ANK3: variants seen among roughly 807,000 people sequenced by gnomAD.
The protein encoded by ANK3 is ankyrin-3.
Under a neutral mutation model 370.9 loss-of-function variants are expected in ANK3, and 57 were observed. That is an observed-to-expected ratio of 0.15 (90% CI 0.12 to 0.19). ANK3 has a LOEUF of 0.19. Ranked by LOEUF, ANK3 falls within the 10% of genes least tolerant of loss-of-function variation. The pLI is 1.00. For synonymous variants in ANK3, 1,929 were observed against 1,946.3 expected (o/e 0.99, Z 0.23); for missense variants, 4,439 against 5,302.1 (o/e 0.84, Z 5.06).
chr10:60,029,808 G>T lies in ANK3; in HGVS notation c.*38C>A, dbSNP rs2072851882. On this transcript the variant is annotated 3_prime_UTR_variant, in exon 44 of 44. Transcript: ENST00000280772. The stretch of plus-strand genomic sequence containing the variant: ...TTCTTCCACGAATTTCTCAATACTG[G>T]CAGTAAAAACTTATGATCCTGTGGA... 6.7e-6 allele frequency: 1 copy of T among 148,294 alleles called. No homozygotes were observed. Among genetic ancestry groups the T allele is most frequent in the African/African-American group, 2.5e-5 (1 of 39,646 alleles). The allele number at this position is 148,294 out of a possible 1,614,324, so 9.2% of individuals were successfully genotyped here.
Position 60,075,139 on chromosome 10 carries a change from C to T in ANK3, c.5742G>A (p.Arg1914=), listed in dbSNP as rs999711089. ...DVAEMKEDLM[R]MTAILQTDVP... ...CATCTGTCTGTAGTATTGCGGTCATCCGCATTAGGTCCTCTTTCATTTCAG... is the reference window on the plus strand; with the variant it reads ...CATCTGTCTGTAGTATTGCGGTCATTCGCATTAGGTCCTCTTTCATTTCAG... The change falls in exon 37 of 44, where the codon CGG becomes CGA. Residue 1914 remains arginine, a synonymous_variant. Coordinates refer to ENST00000280772, the MANE Select transcript of ANK3 (RefSeq NM_020987.5). The T allele has an allele frequency of 5.0e-6, 8 of 1,614,112 alleles. No homozygotes were observed. The East Asian group carries it at 1.8e-4, about 36-fold the overall frequency.
chr10:60,258,836 A>T (rs2097769327), intron 7 of ANK3, among the ~76,000 whole-genome samples: 1 of 152,174 alleles, frequency 6.6e-6, no homozygotes, highest in Non-Finnish European at 1.5e-5. Context: ...CAGGCAGAAA[A>T]CAGAAATTGC....
intron 1 of ANK3, among the ~76,000 whole-genome samples, chr10:60,691,679 G>T (rs1392088578): frequency 6.6e-6 from 1 of 152,118 alleles, no homozygotes; most frequent in African/African-American, 2.4e-5. Flanking sequence ...ATTATAAAAG[G>T]TCAATTATAC....
chr10:60,327,717 C>T (rs915782996), intron 1 of ANK3, among the ~76,000 whole-genome samples: 2 of 152,094 alleles, frequency 1.3e-5, no homozygotes, highest in African/African-American at 4.8e-5. Context: ...TAGGATAAAA[C>T]CTAAAAGATG....
chr10:60,561,197 G>C (rs1289418669), intron 2 of ANK3, among the ~76,000 whole-genome samples: 1 of 152,180 alleles, frequency 6.6e-6, no homozygotes, highest in Non-Finnish European at 1.5e-5. Flanking sequence ...ACAAAATGCT[G>C]ACATTAAATA....
chr10:60,212,929 T>C (rs547184801), intron 9 of ANK3, among the ~76,000 whole-genome samples: 147 of 152,230 alleles, frequency 9.7e-4, no homozygotes, highest in African/African-American at 3.4e-3. Context: ...TCATCATGTG[T>C]TCCTTTCAGC....
At position 60,027,623 on chromosome 10, in the gene ANK3, A is replaced by C. The variant is rs546893910; in HGVS notation, c.*2223T>G. 5.9e-5 allele frequency: 9 copies of C among 152,336 alleles called. No individual in the cohort carries two copies. Among genetic ancestry groups the C allele is most frequent in the African/African-American group, 1.9e-4 (8 of 41,574 alleles). 9.4% of individuals were successfully genotyped at this position (152,336 alleles called of 1,614,324 possible). On this transcript the variant is annotated 3_prime_UTR_variant, in exon 44 of 44. Transcript: ENST00000280772. The stretch of plus-strand genomic sequence containing the variant: ...GTACCTAATTCATAAAGTAGATATG[A>C]GGACTAAGTAAGTAAATGGAATGTG...
chr10:60,142,062 G>A (rs997713519), intron 23 of ANK3, among the ~76,000 whole-genome samples: 13 of 152,178 alleles, frequency 8.5e-5, no homozygotes, highest in African/African-American at 2.9e-4. Context: ...ACAGAACTGA[G>A]CAAAGCGTTA....
At position 60,263,929 on chromosome 10, in the gene ANK3, C is replaced by A. The variant is rs748593236; in HGVS notation, c.605G>T (p.Arg202Leu). 1 of 1,614,096 alleles carries A rather than the reference C, an allele frequency of 6.2e-7. No homozygotes were observed. Among genetic ancestry groups the A allele is most frequent in the Admixed American group, 1.7e-5 (1 of 60,016 alleles). The stretch of plus-strand genomic sequence containing the variant: ...GGCCGCGATATGAAGAGCTGGGAGA[C>A]GCACTTTTCCTTTGGTGTCATTCTC... ...LLENDTKGKV[R>L]LPALHIAARK... The change falls in exon 6 of 44, where the codon CGT (arginine) becomes CTT (leucine). Residue 202 changes from arginine to leucine, a missense_variant. Coordinates refer to ENST00000280772, the MANE Select transcript of ANK3 (RefSeq NM_020987.5).
At position 60,055,837 on chromosome 10, in the gene ANK3, G is replaced by C. The variant is rs2079065196; in HGVS notation, c.12886C>G (p.Pro4296Ala). Residue 4296 changes from proline (P) to alanine (A), a missense_variant, in exon 42 of 44, where the codon CCA (proline) becomes GCA (alanine). Coordinates refer to ENST00000280772, the MANE Select transcript of ANK3 (RefSeq NM_020987.5). ...TGATATGCTGCTAGTGGTGATGCTG[G>C]TTCTTCAACATGACCAGATCCATGT... Reference protein sequence around the residue: ...KIHGSGHVEEPASPLAAYQKS... With the variant: ...KIHGSGHVEEAASPLAAYQKS... 6.2e-7 allele frequency: 1 copy of C among 1,614,122 alleles called. No homozygotes were observed. Among genetic ancestry groups the C allele is most frequent in the African/African-American group, 1.3e-5 (1 of 75,020 alleles).
chr10:60,727,989 T>G (rs959040011), intron 1 of ANK3, among the ~76,000 whole-genome samples: 5 of 143,252 alleles, frequency 3.5e-5, no homozygotes, highest in African/African-American at 1.2e-4. Flanking sequence ...TGCATCTCAC[T>G]GTACGTAAGT....
At chr10:60,321,448 C>T (rs959810971) in intron 1 of ANK3, among the ~76,000 whole-genome samples, 3 of 151,950 alleles carry the variant, frequency 2.0e-5, no homozygotes, top group Non-Finnish European at 4.4e-5. Flanking sequence ...GCATAGCTTA[C>T]ATGTCTTGGA....
At chr10:60,468,268 G>A (rs979679684) in intron 2 of ANK3, among the ~76,000 whole-genome samples, 1 of 152,096 alleles carries the variant, frequency 6.6e-6, no homozygotes, top group Non-Finnish European at 1.5e-5. Flanking sequence ...ACAGGCAGGA[G>A]CCACCGTGCC....
chr10:60,321,710 T>A lies in ANK3; in HGVS notation c.115-42071A>T, dbSNP rs72822277. 5.4e-3 allele frequency among the ~76,000 whole-genome samples: 829 copies of A among 152,308 alleles called. 4 individuals carry two copies. The highest frequency in any genetic ancestry group is 0.013 in the South Asian group (64 of 4,828). On this transcript the variant is annotated intron_variant, in intron 1 of 43. Coordinates refer to ENST00000280772, the MANE Select transcript of ANK3 (RefSeq NM_020987.5). ...CCCATGGTCACACCGCAGAAGTGGG[T>A]GTCAAAGCTGGGGCTGAAATCAGCA...
intron 29 of ANK3, 139 bp from the exon 30 acceptor site, chr10:60,087,023 T>C: frequency 1.5e-6 from 1 of 660,952 alleles, no homozygotes; most frequent in East Asian, 2.8e-5. Flanking sequence ...AGGTCTTTTT[T>C]AACCTTTCTT....
At chr10:60,233,771 A>T (rs1348361358) in intron 8 of ANK3, among the ~76,000 whole-genome samples, 2 of 152,188 alleles carry the variant, frequency 1.3e-5, no homozygotes, top group African/African-American at 2.4e-5. Context: ...AATACATACA[A>T]CATAAAATTT....
intron 2 of ANK3, among the ~76,000 whole-genome samples, chr10:60,594,100 TTAATTTTCA>T (rs1162141148): frequency 1.3e-5 from 2 of 152,214 alleles, no homozygotes; most frequent in Admixed American, 6.5e-5. Flanking sequence ...ATTATCTGTT[TTAATTTTCA>T]TAATTTTCAT....
At chr10:60,211,847 T>C (rs1450137312) in intron 9 of ANK3, among the ~76,000 whole-genome samples, 1 of 133,992 alleles carries the variant, frequency 7.5e-6, no homozygotes, top group Non-Finnish European at 1.5e-5. Flanking sequence ...CCTGACACAA[T>C]TAGGTACAGC....
intron 1 of ANK3, among the ~76,000 whole-genome samples, chr10:60,282,492 T>C (rs1353272264): frequency 6.6e-6 from 1 of 152,106 alleles, no homozygotes; most frequent in Non-Finnish European, 1.5e-5. Flanking sequence ...ATAAATTATC[T>C]TCCTTCAACA....
Sources: gnomAD v4.1 joint callset for allele counts (sites outside exome capture counted in the v4.1 genomes callset) on GRCh38, gnomAD v4.1.1 for gene constraint, MANE v1.5 for transcripts, NCBI Gene and HGNC (gene_info 2026-07-23, HGNC 2026-07-21) for gene names.